SH3BP2: variants seen among roughly 807,000 people sequenced by gnomAD.
SH3BP2 encodes the protein SH3 domain binding protein 2.
SH3BP2 carries 38 observed loss-of-function variants against 56.2 expected under a neutral mutation model. The observed-to-expected ratio is 0.68, with a 90% confidence interval of 0.52 to 0.89. The LOEUF (loss-of-function observed/expected upper bound fraction) is 0.89. Ranked by LOEUF, SH3BP2 falls within the 40% of genes least tolerant of loss-of-function variation. The pLI, the probability that SH3BP2 is intolerant of heterozygous loss-of-function variation, is 0.00. For synonymous variants in SH3BP2, 346 were observed against 316.7 expected (o/e 1.09, Z -0.98); for missense variants, 748 against 762.6 (o/e 0.98, Z 0.23).
intron 1 of SH3BP2, chr4:2,796,615 C>T (rs375302192): frequency 7.5e-5 from 15 of 201,310 alleles, no homozygotes; most frequent in East Asian, 7.4e-4. Context: ...AGAGCGCCCT[C>T]GTGGTATCCA....
Position 2,793,862 on chromosome 4 carries a change from C to T in SH3BP2, c.-5+724C>T, listed in dbSNP as rs139868427. The T allele has an allele frequency of 5.2e-5, 8 of 152,424 alleles. No individual in the cohort carries two copies. The East Asian group carries it at 1.5e-3, about 29-fold the overall frequency. The allele number at this position is 152,424 out of a possible 1,614,324, so 9.4% of individuals were successfully genotyped here. On this transcript the variant is annotated intron_variant, in intron 1 of 12. Coordinates refer to ENST00000503393, the MANE Select transcript of SH3BP2 (RefSeq NM_001122681.2). ...TAGGGGGCGGGGACAGCCCCTTCCA[C>T]CTGTACGCTGGCCTCCCTGCAGCCC... is the stretch of plus-strand genomic sequence containing the variant.
Position 2,829,565 on chromosome 4 carries a change from T to C in SH3BP2, c.659T>C (p.Met220Thr). ...CCCAGGAAGCCAGCCTTCTCTGACA[T>C]GCCCCGGGCCCACTCCTTTACCTCC... Reference protein sequence around the residue: ...PTPRKPAFSDMPRAHSFTSKG... With the variant: ...PTPRKPAFSDTPRAHSFTSKG... The change falls in exon 8 of 13, where the codon ATG becomes ACG. Residue 220 changes from methionine (M) to threonine (T), a missense_variant. Physicochemically the swap from Met to Thr is moderately conservative, Grantham distance 81. This residue lies in a region of SH3BP2 where 635 missense variants were observed against 615.0 expected (regional missense o/e 1.03). Transcript: ENST00000503393. The surrounding 1 kb of genome is among the most constrained non-coding windows in gnomAD (Gnocchi z 4.9). The C allele has an allele frequency of 6.2e-7, 1 of 1,613,146 alleles. No homozygotes were observed. The highest frequency in any genetic ancestry group is 1.1e-5 in the South Asian group (1 of 91,068).
chr4:2,833,233 T>C, intron 12 of SH3BP2, 184 bp downstream of exon 12: 1 of 666,906 alleles, frequency 1.5e-6, no homozygotes, highest in Non-Finnish European at 2.7e-6. Flanking sequence ...CCTCCTCTCG[T>C]GGCCTACCTT....
intron 1 of SH3BP2, among the ~76,000 whole-genome samples, chr4:2,805,321 G>T (rs1022683107): frequency 1.3e-5 from 2 of 152,194 alleles, no homozygotes; most frequent in Admixed American, 1.3e-4. Flanking sequence ...GGGCCGGGAG[G>T]TCACCCTGGA....
chr4:2,804,290 G>A (rs774446876), intron 1 of SH3BP2, among the ~76,000 whole-genome samples: 5 of 152,180 alleles, frequency 3.3e-5, no homozygotes, highest in African/African-American at 9.7e-5. Flanking sequence ...CAGCAGCTCC[G>A]GGACTGCCCC....
intron 1 of SH3BP2, among the ~76,000 whole-genome samples, chr4:2,793,965 T>C (rs1011593913): frequency 6.6e-6 from 1 of 152,214 alleles, no homozygotes; most frequent in African/African-American, 2.4e-5. Flanking sequence ...AGCCTTCTGC[T>C]GGTGCTCCTT....
chr4:2,825,726 C>T (rs943808640), intron 5 of SH3BP2, among the ~76,000 whole-genome samples: 5 of 152,214 alleles, frequency 3.3e-5, no homozygotes, highest in African/African-American at 4.8e-5. Context: ...TGTGTTTATA[C>T]GCCTGCCACC....
At chr4:2,833,412 T>C (rs1046705031) in intron 12 of SH3BP2, 33 of 581,818 alleles carry the variant, frequency 5.7e-5, no homozygotes, top group Non-Finnish European at 9.8e-5. Context: ...GTGCTGGGAT[T>C]ACAGGCGTGG....
Position 2,838,036 on chromosome 4 carries a change from C to G in SH3BP2, c.*4202C>G, listed in dbSNP as rs759899598. 1.3e-5 allele frequency: 2 copies of G among 152,360 alleles called. No individual in the cohort carries two copies. The highest frequency in any genetic ancestry group is 2.9e-5 in the Non-Finnish European group (2 of 68,132). 9.4% of individuals were successfully genotyped at this position (152,360 alleles called of 1,614,324 possible). On this transcript the variant is annotated 3_prime_UTR_variant, in exon 13 of 13. Transcript: ENST00000503393. ...TTCGCAGGCCTTCCAGGCTGCCAGA[C>G]AGCTGCCCTGGCGTTGCCGTCTGCT... is the stretch of plus-strand genomic sequence containing the variant.
intron 1 of SH3BP2, among the ~76,000 whole-genome samples, chr4:2,803,323 C>T (rs1254011538): frequency 6.6e-6 from 1 of 152,036 alleles, no homozygotes; most frequent in Non-Finnish European, 1.5e-5. Flanking sequence ...CCCAGGGCCT[C>T]GGCATCTCCA....
At position 2,800,159 on chromosome 4, in the gene SH3BP2, T is replaced by A. The variant is rs116784381; in HGVS notation, c.-5+7021T>A. ...GGGTCGGTGACCCCTGCACAGGGGC[T>A]ACAGGGGATGAAAGGGGAGGGAGCA... is the stretch of plus-strand genomic sequence containing the variant. On this transcript the variant is annotated intron_variant, in intron 1 of 12. Coordinates refer to ENST00000503393, the MANE Select transcript of SH3BP2 (RefSeq NM_001122681.2). 5.7e-3 allele frequency among the ~76,000 whole-genome samples: 864 copies of A among 151,998 alleles called. 15 individuals are homozygous for A. The highest frequency in any genetic ancestry group is 0.02 in the African/African-American group (832 of 41,406).
rs750879417 is a variant in SH3BP2, at chr4:2,827,250, A to C, written c.449A>C (p.Asp150Ala). The C allele has an allele frequency of 6.2e-7, 1 of 1,614,162 alleles. No homozygotes were observed. Among genetic ancestry groups the C allele is most frequent in the Non-Finnish European group, 8.5e-7 (1 of 1,180,028 alleles). Residue 150 changes from aspartate to alanine, a missense_variant, in exon 6 of 13, where the codon GAC becomes GCC. By Grantham distance (126) the Asp-to-Ala change is moderately radical. Coordinates refer to ENST00000503393, the MANE Select transcript of SH3BP2 (RefSeq NM_001122681.2). ...TGCAGCGACTCCAGCTCGGACACAG[A>C]CAGCTTCTACGGCGCAGTTGAGCGG... is the stretch of plus-strand genomic sequence containing the variant. ...LDTSDSSSDT[D>A]SFYGAVERPV...
intron 1 of SH3BP2, chr4:2,812,620 C>A: frequency 9.3e-7 from 1 of 1,070,328 alleles, no homozygotes; most frequent in Non-Finnish European, 1.3e-6. Flanking sequence ...CCTGAGCCTG[C>A]AAAAGGCAAC....
At chr4:2,823,602 G>T (rs1276560940) in intron 3 of SH3BP2, 1 of 449,712 alleles carries the variant, frequency 2.2e-6, no homozygotes, top group African/African-American at 2.0e-5. Context: ...GCATGTGGGT[G>T]GGGGAGTGCA....
At chr4:2,794,650 GA>G (rs1358761295) in intron 1 of SH3BP2, among the ~76,000 whole-genome samples, 2 of 152,282 alleles carry the variant, frequency 1.3e-5, no homozygotes, top group African/African-American at 4.8e-5. Context: ...CATCTGGTGA[GA>G]GGGGTGCTGA....
intron 1 of SH3BP2, chr4:2,818,878 A>G: frequency 2.0e-6 from 2 of 985,622 alleles, no homozygotes; most frequent in Non-Finnish European, 2.4e-6. Flanking sequence ...TTCCTCTTGC[A>G]CTTTTGTTGG....
In SH3BP2 at chr4:2,831,791, GAA is replaced by G; in HGVS notation, c.1350+113_1350+114del. The G allele has an allele frequency of 7.4e-7, 1 of 1,359,830 alleles. No individual in the cohort carries two copies. Among genetic ancestry groups the G allele is most frequent in the Non-Finnish European group, 1.0e-6 (1 of 971,024 alleles). The allele number at this position is 1,359,830 out of a possible 1,614,324, so 84.2% of individuals were successfully genotyped here. On this transcript the variant is annotated intron_variant, in intron 9 of 12. Transcript: ENST00000503393. This position sits in a 1 kb window ranked among gnomAD's most constrained non-coding sequence, Gnocchi z 4.1. ...ACCGTCCTGAGCAAGGACCCCCCGA[GAA>G]CCCGGGAGCCTAGGGGGACACAGCA... is the stretch of plus-strand genomic sequence containing the variant.
At chr4:2,799,399 G>A in intron 1 of SH3BP2, 1 of 672,696 alleles carries the variant, frequency 1.5e-6, no homozygotes, top group Non-Finnish European at 1.8e-6. Flanking sequence ...CTGGCTTCAG[G>A]AAGGTTTGCT....
At chr4:2,795,616 G>A (rs1034483841) in intron 1 of SH3BP2, among the ~76,000 whole-genome samples, 1 of 152,204 alleles carries the variant, frequency 6.6e-6, no homozygotes, top group African/African-American at 2.4e-5. Context: ...CCCAGACGCA[G>A]TGGAGCGGCT....
Sources: gnomAD v4.1 joint callset for allele counts (sites outside exome capture counted in the v4.1 genomes callset) on GRCh38, gnomAD v4.1.1 for gene constraint, gnomAD v4.1.1 regional missense constraint, Gnocchi (gnomAD v3.1) non-coding constraint, MANE v1.5 for transcripts, NCBI Gene and HGNC (gene_info 2026-07-23, HGNC 2026-07-21) for gene names.